The following PCDHGB2 variants were observed in gnomAD, a reference collection of about 807,000 sequenced individuals.
PCDHGB2 encodes protocadherin gamma subfamily B, 2.
Under a neutral mutation model 59.3 loss-of-function variants are expected in PCDHGB2, and 55 were observed. The ratio of observed to expected loss-of-function variants is 0.93; its 90% CI spans 0.75 to 1.16. The LOEUF (loss-of-function observed/expected upper bound fraction) is 1.16. Ranked by LOEUF, PCDHGB2 falls within the 50% of genes most tolerant of loss-of-function variation. PCDHGB2 has a pLI of 0.00. For missense variants in PCDHGB2, 1,228 were observed against 1,198.5 expected (o/e 1.02, Z -0.36); for synonymous variants, 516 against 512.0 (o/e 1.01, Z -0.11).
intron 1 of PCDHGB2, among the ~76,000 whole-genome samples, chr5:141,444,880 G>A (rs527554886): frequency 6.6e-6 from 1 of 152,150 alleles, no homozygotes; most frequent in Non-Finnish European, 1.5e-5. Context: ...AAGCTTGTAG[G>A]ATTTTTGAAT....
At chr5:141,383,391 G>A (rs764733462) in intron 1 of PCDHGB2, 7 of 1,613,978 alleles carry the variant, frequency 4.3e-6, no homozygotes. Context: ...ATGTGGGCAC[G>A]AACTCCCTCC....
chr5:141,464,622 CT>C (rs947370342), intron 1 of PCDHGB2, among the ~76,000 whole-genome samples: 8 of 152,058 alleles, frequency 5.3e-5, no homozygotes, highest in African/African-American at 1.9e-4. Flanking sequence ...TATTGTCAAG[CT>C]TTTTAATTGT....
intron 1 of PCDHGB2, chr5:141,478,451 G>A (rs377597887): frequency 2.5e-6 from 4 of 1,613,440 alleles, no homozygotes; most frequent in African/African-American, 2.7e-5. Context: ...ACCTGGTGCA[G>A]CCAGTCCACT....
chr5:141,405,332 T>C, intron 1 of PCDHGB2: 1 of 1,614,222 alleles, frequency 6.2e-7, no homozygotes, highest in Non-Finnish European at 8.5e-7. Flanking sequence ...TTTGTGCGTC[T>C]CTGTTGATTC....
chr5:141,408,243 G>A lies in PCDHGB2; in HGVS notation c.2421+45687G>A, dbSNP rs372221747. ...GCGCAGAGGCGCCGGGCCGGCCCGC[G>A]GCAGGTGCTATTTCCTTTGCTGCTG... On this transcript the variant is annotated intron_variant, in intron 1 of 3. Transcript: ENST00000522605. 7 of 1,583,996 alleles carry A rather than the reference G, an allele frequency of 4.4e-6. 1 individual carries two copies. The highest frequency in any genetic ancestry group is 5.2e-6 in the Non-Finnish European group (6 of 1,164,814).
chr5:141,419,423 C>A, intron 1 of PCDHGB2: 1 of 1,613,368 alleles, frequency 6.2e-7, no homozygotes, highest in Non-Finnish European at 8.5e-7. Context: ...CGCCTTCGAC[C>A]ACGAGCAGCT....
intron 1 of PCDHGB2, among the ~76,000 whole-genome samples, chr5:141,407,122 G>A (rs987492570): frequency 3.9e-5 from 6 of 152,094 alleles, no homozygotes; most frequent in African/African-American, 1.4e-4. Context: ...GGTTTCAGTT[G>A]CTTTATTTTT....
chr5:141,432,575 T>TACC lies in PCDHGB2; in HGVS notation c.2422-62231_2422-62229dup, dbSNP rs1044250629. 6.2e-7 allele frequency: 1 copy of TACC among 1,613,326 alleles called. No individual in the cohort carries two copies. The highest frequency in any genetic ancestry group is 1.3e-5 in the African/African-American group (1 of 74,718). ...CTCCGGCCAGAACGCCTGGCTGTCC[T>TACC]ACCGTCTGCTCAAGGCCAGCGAGCC... On this transcript the variant is annotated intron_variant, in intron 1 of 3. Transcript: ENST00000522605. This position sits in a 1 kb window ranked among gnomAD's most constrained non-coding sequence, Gnocchi z 6.0.
chr5:141,404,984 C>A (rs779919758), intron 1 of PCDHGB2: 1 of 1,614,034 alleles, frequency 6.2e-7, no homozygotes, highest in Middle Eastern at 1.6e-4. Flanking sequence ...CCTGGGCAGT[C>A]TTCAGATCCC....
chr5:141,433,093 G>A (rs1203083573), intron 1 of PCDHGB2: 4 of 1,614,206 alleles, frequency 2.5e-6, no homozygotes, highest in Admixed American at 1.7e-5. Flanking sequence ...ATGCAGACAT[G>A]CTCGTCAGCC....
At chr5:141,411,423 CA>C (rs200531177) in intron 1 of PCDHGB2, 3 of 147,666 alleles carry the variant, frequency 2.0e-5, no homozygotes, top group Admixed American at 6.8e-5. Context: ...ACAACAACAA[CA>C]AAAAAAAACA....
rs1200950542 is a variant in PCDHGB2, at chr5:141,409,998, G to A, written c.2421+47442G>A. 4 of 1,613,236 alleles carry A rather than the reference G, an allele frequency of 2.5e-6. No homozygotes were observed. In the Admixed American group the frequency reaches 6.7e-5, roughly 27 times the overall value. On this transcript the variant is annotated intron_variant, in intron 1 of 3. Coordinates refer to ENST00000522605, the MANE Select transcript of PCDHGB2 (RefSeq NM_018923.3). ...GTGGTAGCGGTGGACGCCGACTCGGGACACAACGCCTGGCTGTCCTACCAC... is the reference window on the plus strand; with the variant it reads ...GTGGTAGCGGTGGACGCCGACTCGGAACACAACGCCTGGCTGTCCTACCAC...
chr5:141,380,612 A>G (rs1163500028), intron 1 of PCDHGB2, among the ~76,000 whole-genome samples: 1 of 152,204 alleles, frequency 6.6e-6, no homozygotes, highest in African/African-American at 2.4e-5. Context: ...TAATTTTATG[A>G]TGTTCGATAA....
chr5:141,435,904 C>G (rs967350870), intron 1 of PCDHGB2, among the ~76,000 whole-genome samples: 2 of 152,068 alleles, frequency 1.3e-5, no homozygotes, highest in Admixed American at 6.5e-5. Context: ...TGAAAGACAT[C>G]CAAGGGCTCT....
At chr5:141,366,224 C>T in intron 1 of PCDHGB2, 1 of 1,613,840 alleles carries the variant, frequency 6.2e-7, no homozygotes, top group East Asian at 2.2e-5. Context: ...AGCGCGAGCC[C>T]TGCTGGACAG....
At position 141,421,448 on chromosome 5, in the gene PCDHGB2, A is replaced by G. The variant is rs772957069; in HGVS notation, c.2421+58892A>G. On this transcript the variant is annotated intron_variant, in intron 1 of 3. Coordinates refer to ENST00000522605, the MANE Select transcript of PCDHGB2 (RefSeq NM_018923.3). ...CGCATCGTCTCCAGAGGGAAGACAC[A>G]GCTTTTCGCTGTGAATCCGCGAAGC... The G allele has an allele frequency of 7.8e-5, 126 of 1,614,014 alleles. No individual in the cohort carries two copies. The highest frequency in any genetic ancestry group is 1.0e-4 in the Non-Finnish European group (119 of 1,179,944).
intron 1 of PCDHGB2, among the ~76,000 whole-genome samples, chr5:141,455,844 T>TA (rs2098833146): frequency 6.6e-6 from 1 of 150,818 alleles, no homozygotes; most frequent in Non-Finnish European, 1.5e-5. Flanking sequence ...TCTATCTGCA[T>TA]AAAATAATTT....
Position 141,364,896 on chromosome 5 carries a change from A to G in PCDHGB2, c.2421+2340A>G, listed in dbSNP as rs1020955411. The G allele has an allele frequency of 9.3e-6, 15 of 1,613,896 alleles. No individual in the cohort carries two copies. In the African/African-American group the frequency reaches 1.7e-4, roughly 19 times the overall value. The stretch of plus-strand genomic sequence containing the variant: ...GATGTGGTAAGCGGAACTGATGGAC[A>G]AAAGTATCCGGAGCTGGTGTTGGAA... On this transcript the variant is annotated intron_variant, in intron 1 of 3. Coordinates refer to ENST00000522605, the MANE Select transcript of PCDHGB2 (RefSeq NM_018923.3).
chr5:141,409,824 C>T (rs1265260597), intron 1 of PCDHGB2: 1 of 1,610,860 alleles, frequency 6.2e-7, no homozygotes, highest in Non-Finnish European at 8.5e-7. Flanking sequence ...GGCTCGCCCA[C>T]GCTCAGCGCC....
Sources: allele counts gnomAD v4.1 joint callset (sites outside exome capture counted in the v4.1 genomes callset), GRCh38; gene constraint gnomAD v4.1.1; non-coding constraint Gnocchi (gnomAD v3.1); transcripts MANE v1.5; gene names NCBI Gene and HGNC (gene_info 2026-07-23, HGNC 2026-07-21).